Variants in YPEL1 observed in about 807,000 individuals in gnomAD.
The protein encoded by YPEL1 is yippee like 1.
A neutral mutation model predicts 17.3 loss-of-function variants in YPEL1; 7 were observed. That is an observed-to-expected ratio of 0.40 (90% CI 0.23 to 0.76). The LOEUF is 0.76. YPEL1 is among the 30% of genes least tolerant of loss of function. The pLI, the probability that YPEL1 is intolerant of heterozygous loss-of-function variation, is 0.35. For synonymous variants in YPEL1, 59 were observed against 59.6 expected, an observed-to-expected ratio of 0.99 and a Z score of 0.05; for missense variants, 91 against 155.5, an observed-to-expected ratio of 0.59 and a Z score of 2.21.
intron 1 of YPEL1, among the ~76,000 whole-genome samples, chr22:21,713,728 G>A (rs966349554): frequency 2.6e-5 from 4 of 152,190 alleles, no homozygotes; most frequent in African/African-American, 9.7e-5. Context: ...GATGGTAAGA[G>A]TTATGTGTAC....
chr22:21,714,227 C>T (rs188248852), intron 1 of YPEL1, among the ~76,000 whole-genome samples: 88 of 152,302 alleles, frequency 5.8e-4, no homozygotes, highest in Admixed American at 3.0e-3. Context: ...ATCGTGTGAA[C>T]GGAAGACACA....
chr22:21,718,291 A>G (rs1447774970), intron 1 of YPEL1, among the ~76,000 whole-genome samples: 5 of 151,786 alleles, frequency 3.3e-5, no homozygotes, highest in Admixed American at 2.0e-4. Flanking sequence ...ATGAAACCCC[A>G]TCTCTACTAA....
intron 1 of YPEL1, among the ~76,000 whole-genome samples, chr22:21,730,516 TCTGGCCCACACTGACTATTCAA>T (rs2068376840): frequency 6.6e-6 from 1 of 152,172 alleles, no homozygotes; most frequent in South Asian, 2.1e-4. Flanking sequence ...AGCTACAGCA[TCTGGCCCACACTGACTATTCAA>T]ACTCTCACAT....
At chr22:21,728,195 C>T (rs1215170343) in intron 1 of YPEL1, among the ~76,000 whole-genome samples, 2 of 152,086 alleles carry the variant, frequency 1.3e-5, no homozygotes, top group Non-Finnish European at 2.9e-5. Flanking sequence ...CCCGGCCAGC[C>T]GTCCCCACAG....
intron 1 of YPEL1, among the ~76,000 whole-genome samples, chr22:21,728,908 C>T (rs757531297): frequency 6.6e-6 from 1 of 152,036 alleles, no homozygotes; most frequent in Non-Finnish European, 1.5e-5. Flanking sequence ...TTTGGGAGGC[C>T]GAGGCGGGTG....
Position 21,703,247 on chromosome 22 carries a change from G to T in YPEL1, c.270+123C>A. ...GTCTGGACTTCCCACCTCGGCTGAGGAACTGGGGTTTCTGAAAGTGCTGTG... is the reference window on the plus strand; with the variant it reads ...GTCTGGACTTCCCACCTCGGCTGAGTAACTGGGGTTTCTGAAAGTGCTGTG... On this transcript the variant is annotated intron_variant, in intron 4 of 4. Coordinates refer to ENST00000339468, the MANE Select transcript of YPEL1 (RefSeq NM_013313.5). The surrounding 1 kb of genome is among the most constrained non-coding windows in gnomAD (Gnocchi z 6.1). The T allele has an allele frequency of 1.2e-6, 1 of 822,446 alleles. No individual in the cohort carries two copies. Among genetic ancestry groups the T allele is most frequent in the East Asian group, 2.5e-5 (1 of 39,346 alleles). The allele number at this position is 822,446 out of a possible 1,614,324, so 50.9% of individuals were successfully genotyped here. A position where few individuals can be genotyped will look rare whatever the true frequency, so the allele number is the denominator to read the frequency against.
chr22:21,711,229 A>G (rs1222316303), intron 1 of YPEL1, among the ~76,000 whole-genome samples: 1 of 152,190 alleles, frequency 6.6e-6, no homozygotes, highest in African/African-American at 2.4e-5. Context: ...CGCCTGACCA[A>G]GATCCAACTC....
intron 1 of YPEL1, among the ~76,000 whole-genome samples, chr22:21,715,199 A>G (rs1230948350): frequency 6.6e-6 from 1 of 152,164 alleles, no homozygotes; most frequent in Non-Finnish European, 1.5e-5. Flanking sequence ...GTAACTAGAC[A>G]AAAAAACTAT....
chr22:21,720,157 G>A (rs1311115491), intron 1 of YPEL1, among the ~76,000 whole-genome samples: 3 of 135,814 alleles, frequency 2.2e-5, no homozygotes, highest in African/African-American at 5.4e-5. Flanking sequence ...TAGCCTGGGT[G>A]ACAGAGCGAG....
At position 21,699,566 on chromosome 22, in the gene YPEL1, G is replaced by C. The variant is rs2068043081; in HGVS notation, c.*1563C>G. ...GCCCCTCTATCAGTTCAAGTGACAT[G>C]GGACAGCACCACGCAGGGACGGGCA... On this transcript the variant is annotated 3_prime_UTR_variant, in exon 5 of 5. Coordinates refer to ENST00000339468, the MANE Select transcript of YPEL1 (RefSeq NM_013313.5). 1 of 152,560 alleles carries C rather than the reference G, an allele frequency of 6.6e-6. No individual in the cohort carries two copies. The highest frequency in any genetic ancestry group is 1.5e-5 in the Non-Finnish European group (1 of 68,062). The allele number at this position is 152,560 out of a possible 1,614,324, so 9.5% of individuals were successfully genotyped here.
chr22:21,723,249 C>T, intron 1 of YPEL1: 1 of 152,454 alleles, frequency 6.6e-6, no homozygotes. Flanking sequence ...GGCTGGAGTG[C>T]AGTGGCGTGA....
chr22:21,697,578 C>T lies in YPEL1; in HGVS notation c.*3551G>A, dbSNP rs949535637. 4 of 155,082 alleles carry T rather than the reference C, an allele frequency of 2.6e-5. No individual in the cohort carries two copies. The highest frequency in any genetic ancestry group is 9.6e-5 in the African/African-American group (4 of 41,454). 9.6% of individuals were successfully genotyped at this position (155,082 alleles called of 1,614,324 possible). ...AGAAGCTTTATTTGTAAACCTCACACAGATAAGGACCAAGGGCTGGCGGTG... is the reference window on the plus strand; with the variant it reads ...AGAAGCTTTATTTGTAAACCTCACATAGATAAGGACCAAGGGCTGGCGGTG... On this transcript the variant is annotated 3_prime_UTR_variant, in exon 5 of 5. Transcript: ENST00000339468.
In YPEL1 at chr22:21,722,804, T is replaced by C. The variant is rs536849442; in HGVS notation, c.-164-11896A>G. ...CTTGTCCTTCCACAAAGGACACCTG[T>C]GTTAGGAGTAAGAGCACAGGAAGTG... On this transcript the variant is annotated intron_variant, in intron 1 of 4. Transcript: ENST00000339468. 2.6e-5 allele frequency: 4 copies of C among 152,054 alleles called. No individual in the cohort carries two copies. In the East Asian group the frequency reaches 7.7e-4, roughly 29 times the overall value. The allele number at this position is 152,054 out of a possible 1,614,324, so 9.4% of individuals were successfully genotyped here. A position where few individuals can be genotyped will look rare whatever the true frequency, so the allele number is the denominator to read the frequency against.
At chr22:21,733,587 G>C (rs368877254) in intron 1 of YPEL1, among the ~76,000 whole-genome samples, 5 of 151,992 alleles carry the variant, frequency 3.3e-5, no homozygotes. Context: ...AATTAGCTGG[G>C]TATGGTGGTG....
rs33967845 is a variant in YPEL1 at position 21,712,725 on chromosome 22, CA to C, written c.-164-1818del. ...TGGGCGACAGAGTGAGACTACATCT[CA>C]AAAAAAAAAAAAAAAGGAAAATGGA... is the stretch of plus-strand genomic sequence containing the variant. On this transcript the variant is annotated intron_variant, in intron 1 of 4. Coordinates refer to ENST00000339468, the MANE Select transcript of YPEL1 (RefSeq NM_013313.5). 2.6e-3 allele frequency among the ~76,000 whole-genome samples: 230 copies of C among 89,608 alleles called. 1 individual carries two copies. The highest frequency in any genetic ancestry group is 6.9e-3 in the African/African-American group (141 of 20,458). 58.8% of individuals were successfully genotyped at this position (89,608 alleles called of 152,430 possible).
At chr22:21,707,627 C>T (rs1349734629) in intron 2 of YPEL1, among the ~76,000 whole-genome samples, 1 of 152,170 alleles carries the variant, frequency 6.6e-6, no homozygotes, top group Admixed American at 6.5e-5. Context: ...TAATAATCAT[C>T]TTATAGACTT....
intron 2 of YPEL1, among the ~76,000 whole-genome samples, chr22:21,705,716 A>AC (rs1279192145): frequency 1.3e-5 from 2 of 152,152 alleles, no homozygotes; most frequent in Non-Finnish European, 2.9e-5. Context: ...TTAGGAAAAC[A>AC]AACAACAACA....
intron 1 of YPEL1, among the ~76,000 whole-genome samples, chr22:21,718,345 G>T (rs149351398): frequency 4.3e-4 from 65 of 151,794 alleles, no homozygotes; most frequent in African/African-American, 1.4e-3. Flanking sequence ...GGCACCTGTA[G>T]TCCCAGCTAC....
intron 1 of YPEL1, 134 bp downstream of exon 1, chr22:21,735,481 G>GGCCCGCCCTGCTCGCGCCCCC (rs1353186762): frequency 1.3e-4 from 20 of 152,338 alleles, no homozygotes; most frequent in Non-Finnish European, 1.5e-5. Context: ...AAAAGTCACA[G>GGCCCGCCCTGCTCGCGCCCCC]GCCCGCCCTG....
Sources: allele counts gnomAD v4.1 joint callset (sites outside exome capture counted in the v4.1 genomes callset), GRCh38; gene constraint gnomAD v4.1.1; non-coding constraint Gnocchi (gnomAD v3.1); transcripts MANE v1.5; gene names NCBI Gene and HGNC (gene_info 2026-07-23, HGNC 2026-07-21).